Variants in CHRM3 observed in about 807,000 individuals in gnomAD.
CHRM3 encodes the protein muscarinic acetylcholine receptor M3.
In CHRM3, 11 loss-of-function variants were observed where a neutral mutation model predicts 41.8. That is an observed-to-expected ratio of 0.26 (90% CI 0.17 to 0.44). CHRM3 has a LOEUF of 0.44. Among genes scored for constraint, CHRM3 ranks in the 20% least tolerant of loss-of-function variants. CHRM3 has a pLI of 1.00. For missense variants in CHRM3, 571 were observed against 745.4 expected (o/e 0.77, Z 2.72); for synonymous variants, 297 against 301.4 (o/e 0.99, Z 0.15).
At chr1:239,514,241 A>G (rs111646596) in intron 2 of CHRM3, among the ~76,000 whole-genome samples, 1,992 of 152,208 alleles carry the variant, frequency 0.013, 38 homozygotes, top group African/African-American at 0.046. Flanking sequence ...ACATCTTCAC[A>G]ATATTGAGTC....
At chr1:239,654,664 G>T (rs1672553456) in intron 4 of CHRM3, among the ~76,000 whole-genome samples, 1 of 152,168 alleles carries the variant, frequency 6.6e-6, no homozygotes, top group African/African-American at 2.4e-5. Context: ...CTCCCAAAGT[G>T]CTGGGATTAC....
At chr1:239,613,646 A>G (rs560030483) in intron 3 of CHRM3, among the ~76,000 whole-genome samples, 2 of 143,446 alleles carry the variant, frequency 1.4e-5, no homozygotes, top group Non-Finnish European at 2.9e-5. Context: ...AGTAAAACAA[A>G]TATCTGTCAT....
At chr1:239,576,622 A>AC (rs397745513) in intron 3 of CHRM3, among the ~76,000 whole-genome samples, 61 of 147,074 alleles carry the variant, frequency 4.1e-4, no homozygotes, top group Non-Finnish European at 6.7e-4. Context: ...ACACACACAC[A>AC]ACAAACAAAC....
At chr1:239,708,386 T>A (rs112194587) in intron 5 of CHRM3, among the ~76,000 whole-genome samples, 13 of 152,182 alleles carry the variant, frequency 8.5e-5, no homozygotes, top group African/African-American at 3.1e-4. Context: ...CCCTCCCTGC[T>A]TTAGCACTGA....
At chr1:239,446,150 T>TG (rs1216248644) in intron 1 of CHRM3, among the ~76,000 whole-genome samples, 1 of 152,194 alleles carries the variant, frequency 6.6e-6, no homozygotes, top group Non-Finnish European at 1.5e-5. Flanking sequence ...TTGGCCAGGA[T>TG]GGTCTTGATC....
At chr1:239,664,473 G>T (rs756077125) in intron 4 of CHRM3, among the ~76,000 whole-genome samples, 1 of 152,076 alleles carries the variant, frequency 6.6e-6, no homozygotes, top group African/African-American at 2.4e-5. Context: ...TGGAGAAAAC[G>T]GTTGCCATTG....
intron 1 of CHRM3, among the ~76,000 whole-genome samples, chr1:239,450,582 T>G (rs560735913): frequency 6.6e-5 from 10 of 152,340 alleles, no homozygotes; most frequent in African/African-American, 2.4e-4. Flanking sequence ...AAGCAAAGCA[T>G]GAAAACATTC....
chr1:239,580,689 T>TTTTATATATATATATATATATATA (rs1553332703), intron 3 of CHRM3, among the ~76,000 whole-genome samples: 1 of 65,152 alleles, frequency 1.5e-5, no homozygotes, highest in Non-Finnish European at 4.1e-5. Context: ...TTGCCCAATT[T>TTTTATATATATATATATATATATA]TATATATATA....
chr1:239,576,516 G>T (rs1317623697), intron 3 of CHRM3, among the ~76,000 whole-genome samples: 1 of 151,804 alleles, frequency 6.6e-6, no homozygotes, highest in Admixed American at 6.6e-5. Flanking sequence ...GCCAAGGCAG[G>T]AGTATTGCTT....
intron 5 of CHRM3, among the ~76,000 whole-genome samples, chr1:239,744,337 C>A (rs940210457): frequency 2.0e-5 from 3 of 151,918 alleles, no homozygotes; most frequent in African/African-American, 7.3e-5. Flanking sequence ...GATAAATATT[C>A]TAGGGGAAAA....
intron 3 of CHRM3, among the ~76,000 whole-genome samples, chr1:239,556,960 GAATA>G (rs776366897): frequency 3.9e-5 from 6 of 152,052 alleles, no homozygotes; most frequent in Non-Finnish European, 7.4e-5. Context: ...TACAAGCTTA[GAATA>G]AATAAATAAA....
intron 2 of CHRM3, among the ~76,000 whole-genome samples, chr1:239,528,870 G>A (rs10925906): frequency 0.036 from 5,511 of 152,266 alleles, 160 homozygotes; most frequent in African/African-American, 0.068. Context: ...TCCAGCCTGG[G>A]CAACAGAGTG....
intron 5 of CHRM3, among the ~76,000 whole-genome samples, chr1:239,761,792 G>A (rs1012794513): frequency 2.0e-5 from 3 of 152,118 alleles, no homozygotes; most frequent in Non-Finnish European, 4.4e-5. Flanking sequence ...TTTCTCACAC[G>A]CTCACATTGA....
chr1:239,400,786 T>G (rs866494084), intron 1 of CHRM3, among the ~76,000 whole-genome samples: 16 of 152,300 alleles, frequency 1.1e-4, no homozygotes, highest in Non-Finnish European at 1.8e-4. Flanking sequence ...TTTGGGCTCT[T>G]TATTCCATTC....
chr1:239,410,625 C>G (rs1240580828), intron 1 of CHRM3, among the ~76,000 whole-genome samples: 2 of 152,130 alleles, frequency 1.3e-5, no homozygotes, highest in Non-Finnish European at 2.9e-5. Flanking sequence ...TTTTACCTCC[C>G]GTATGGATTC....
At chr1:239,528,480 T>C (rs1670153514) in intron 2 of CHRM3, among the ~76,000 whole-genome samples, 1 of 152,192 alleles carries the variant, frequency 6.6e-6, no homozygotes, top group African/African-American at 2.4e-5. Context: ...ATTTCAGTAA[T>C]CCAACTACAG....
chr1:239,684,423 G>A (rs1328835335), intron 5 of CHRM3, among the ~76,000 whole-genome samples: 1 of 152,100 alleles, frequency 6.6e-6, no homozygotes, highest in African/African-American at 2.4e-5. Flanking sequence ...GCTGGGCACA[G>A]TGGCTCACGC....
At chr1:239,644,393 A>G (rs538670020) in intron 4 of CHRM3, among the ~76,000 whole-genome samples, 11 of 151,144 alleles carry the variant, frequency 7.3e-5, no homozygotes, top group African/African-American at 2.7e-4. Flanking sequence ...CCTCAGCCTC[A>G]GAGCCTACAT....
At chr1:239,886,095 A>G (rs766392039) in intron 6 of CHRM3, 1 of 152,224 alleles carries the variant, frequency 6.6e-6, no homozygotes, top group Non-Finnish European at 1.5e-5. Flanking sequence ...CCAGCCAGTG[A>G]AAGGCACATG....
Sources: allele counts gnomAD v4.1 joint callset (sites outside exome capture counted in the v4.1 genomes callset), GRCh38; gene constraint gnomAD v4.1.1; transcripts MANE v1.5; gene names NCBI Gene and HGNC (gene_info 2026-07-23, HGNC 2026-07-21).